IPO5: variants seen among roughly 807,000 people sequenced by gnomAD.
IPO5 encodes importin 5, also known as importin-5.
IPO5 carries 18 observed loss-of-function variants against 143.3 expected under a neutral mutation model. The observed-to-expected ratio is 0.13, with a 90% CI of 0.09 to 0.19. The LOEUF (loss-of-function observed/expected upper bound fraction) is 0.19. Ranked by LOEUF, IPO5 falls within the 10% of genes least tolerant of loss-of-function variation. The pLI is 1.00. For synonymous variants in IPO5, 477 were observed against 465.7 expected (o/e 1.02, Z -0.31); for missense variants, 1,013 against 1,336.9 (o/e 0.76, Z 3.78).
intron 26 of IPO5, among the ~76,000 whole-genome samples, chr13:98,019,358 C>G (rs1890329953): frequency 6.6e-6 from 1 of 152,198 alleles, no homozygotes; most frequent in Non-Finnish European, 1.5e-5. Flanking sequence ...CCACTAATCT[C>G]TCTGGGTCTC....
intron 5 of IPO5, among the ~76,000 whole-genome samples, chr13:97,983,158 G>A (rs1336610811): frequency 1.3e-5 from 2 of 152,148 alleles, no homozygotes. Context: ...GGCATGAGCC[G>A]CCACGCCCAG....
intron 9 of IPO5, among the ~76,000 whole-genome samples, chr13:97,991,289 C>G (rs1887779794): frequency 6.6e-6 from 1 of 152,074 alleles, no homozygotes; most frequent in African/African-American, 2.4e-5. Flanking sequence ...CTTGCTTCTC[C>G]TTATGTAAAT....
At chr13:97,988,736 C>T (rs1191837394) in intron 6 of IPO5, among the ~76,000 whole-genome samples, 6 of 152,130 alleles carry the variant, frequency 3.9e-5, no homozygotes, top group Admixed American at 2.0e-4. Context: ...TGCAGTCAAC[C>T]GAGATCGCGC....
At chr13:97,976,588 C>T (rs1594043873) in intron 3 of IPO5, 105 bp from the exon 4 acceptor site, 5 of 241,024 alleles carry the variant, frequency 2.1e-5, no homozygotes, top group Admixed American at 6.2e-5. Flanking sequence ...CCCCGCGCCG[C>T]CGCTGGTGCC....
At chr13:97,985,390 T>C in intron 5 of IPO5, 31 bp from the exon 6 acceptor site, 1 of 1,544,484 alleles carries the variant, frequency 6.5e-7, no homozygotes, top group Non-Finnish European at 8.9e-7. Flanking sequence ...GCAGAGTGAA[T>C]CTAGTTATTA....
intron 21 of IPO5, among the ~76,000 whole-genome samples, chr13:98,013,139 T>TC (rs1336681569): frequency 6.6e-6 from 1 of 152,152 alleles, no homozygotes; most frequent in East Asian, 1.9e-4. Flanking sequence ...CACTGCAACC[T>TC]CCACCTCCCA....
Position 97,997,585 on chromosome 13 carries a change from A to T in IPO5, c.968A>T (p.Asn323Ile). ...VDLEEDEDWA[N>I]ADELEDDDFD... ...TTGGAAGAAGATGAGGACTGGGCAA[A>T]TGCAGATGAACTAGAAGATGATGAT... The change falls in exon 12 of 29, where the codon AAT becomes ATT. Residue 323 changes from asparagine (N) to isoleucine (I), a missense_variant. Physicochemically the swap from Asn to Ile is moderately radical, Grantham distance 149 (BLOSUM62 -3). Coordinates refer to ENST00000651721, the MANE Select transcript of IPO5 (RefSeq NM_002271.6). The T allele has an allele frequency of 6.2e-7, 1 of 1,610,808 alleles. No individual in the cohort carries two copies. Among genetic ancestry groups the T allele is most frequent in the Non-Finnish European group, 8.5e-7 (1 of 1,177,472 alleles).
intron 5 of IPO5, among the ~76,000 whole-genome samples, chr13:97,983,064 T>C (rs1267471227): frequency 1.3e-5 from 2 of 152,166 alleles, no homozygotes; most frequent in African/African-American, 4.8e-5. Flanking sequence ...AGAGATGGGG[T>C]TTTGCCATGT....
At chr13:98,020,473 C>G (rs1221710323) in intron 27 of IPO5, among the ~76,000 whole-genome samples, 1 of 152,204 alleles carries the variant, frequency 6.6e-6, no homozygotes, top group East Asian at 1.9e-4. Context: ...TACTCCTGAC[C>G]TGCTCCTACA....
In IPO5 at chr13:98,006,356, A is replaced by G. The variant is rs1320271378; in HGVS notation, c.1716+8A>G. The G allele has an allele frequency of 5.4e-6, 3 of 556,870 alleles. No individual in the cohort carries two copies. The highest frequency in any genetic ancestry group is 5.8e-5 in the African/African-American group (1 of 17,300). The allele number at this position is 556,870 out of a possible 1,614,324, so 34.5% of individuals were successfully genotyped here. ...GCTGTTGGGAAGGAAAAAGTAAGTA[A>G]TTTTTTTTTTTTTTTTTTTTTTTTT... On this transcript the variant is annotated splice_region_variant and intron_variant, in intron 17 of 28. Transcript: ENST00000651721.
intron 2 of IPO5, among the ~76,000 whole-genome samples, chr13:97,960,606 T>C (rs1193320444): frequency 6.6e-6 from 1 of 151,658 alleles, no homozygotes; most frequent in East Asian, 1.9e-4. Context: ...TCACCCAGGC[T>C]GGAGTGCAAT....
chr13:97,980,506 T>C (rs1290171074), intron 4 of IPO5, among the ~76,000 whole-genome samples: 2 of 152,148 alleles, frequency 1.3e-5, no homozygotes, highest in African/African-American at 2.4e-5. Context: ...TCAGGATTTA[T>C]ATTAGGTTTT....
chr13:98,002,307 G>T, intron 13 of IPO5, 160 bp from the exon 14 acceptor site: 2 of 559,802 alleles, frequency 3.6e-6, no homozygotes, highest in East Asian at 3.2e-5. Context: ...GAGCCACCGC[G>T]CCCGGCCTAT....
At chr13:97,983,319 T>G (rs1293985972) in intron 5 of IPO5, among the ~76,000 whole-genome samples, 1 of 152,216 alleles carries the variant, frequency 6.6e-6, no homozygotes, top group Non-Finnish European at 1.5e-5. Context: ...TATAACCATC[T>G]CTGGATGAAG....
At chr13:97,995,480 G>A (rs1057259185) in intron 11 of IPO5, among the ~76,000 whole-genome samples, 4 of 152,066 alleles carry the variant, frequency 2.6e-5, no homozygotes, top group African/African-American at 7.2e-5. Context: ...AACAGGCCGG[G>A]CGCGGTGGCT....
intron 26 of IPO5, 31 bp downstream of exon 26, chr13:98,018,735 C>A: frequency 6.7e-7 from 1 of 1,495,284 alleles, no homozygotes. Flanking sequence ...ACGTGCATTT[C>A]ATTCCAGACA....
At chr13:98,016,646 T>C in intron 24 of IPO5, 83 bp from the exon 25 acceptor site, 1 of 731,600 alleles carries the variant, frequency 1.4e-6, no homozygotes, top group East Asian at 3.3e-5. Flanking sequence ...CTGCATTTTT[T>C]AAGGTTTTTA....
chr13:98,000,023 G>A lies in IPO5; in HGVS notation c.1002-516G>A, dbSNP rs1391391019. On this transcript the variant is annotated intron_variant, in intron 12 of 28. Transcript: ENST00000651721. The stretch of plus-strand genomic sequence containing the variant: ...ATTCAGGCTGGGCACAGTGGCTCAC[G>A]CCTGTAATCTTAGCATTTTGGGAGG... Among the ~76,000 whole-genome samples the A allele has an allele frequency of 5.9e-5, 9 of 152,280 alleles. 1 individual carries two copies. The highest frequency in any genetic ancestry group is 5.8e-4 in the East Asian group (3 of 5,178).
At chr13:97,984,484 T>TA (rs1887161831) in intron 5 of IPO5, among the ~76,000 whole-genome samples, 1 of 152,218 alleles carries the variant, frequency 6.6e-6, no homozygotes, top group Non-Finnish European at 1.5e-5. Flanking sequence ...GTTTTTGGTA[T>TA]ATGTGTGAGA....
Sources: gnomAD v4.1 joint callset for allele counts (sites outside exome capture counted in the v4.1 genomes callset) on GRCh38, gnomAD v4.1.1 for gene constraint, MANE v1.5 for transcripts, NCBI Gene and HGNC (gene_info 2026-07-23, HGNC 2026-07-21) for gene names.